The following LUZP2 variants were observed in gnomAD, a reference collection of about 807,000 sequenced individuals.
The protein encoded by LUZP2 is leucine zipper protein 2.
In LUZP2, 52 loss-of-function variants were observed where a neutral mutation model predicts 51.6. The observed-to-expected ratio is 1.01, with a 90% CI of 0.81 to 1.27. The LOEUF is 1.27. LUZP2 is among the 50% of genes most tolerant of loss of function. The pLI, the probability that LUZP2 is intolerant of heterozygous loss-of-function variation, is 0.00. For synonymous variants in LUZP2, 154 were observed against 137.3 expected (o/e 1.12, Z -0.85); for missense variants, 436 against 395.4 (o/e 1.10, Z -0.87).
intron 10 of LUZP2, among the ~76,000 whole-genome samples, chr11:25,055,644 T>G (rs1858666810): frequency 6.6e-6 from 1 of 152,160 alleles, no homozygotes. Context: ...ATCTCTTATC[T>G]AATTTCGCTT....
intron 1 of LUZP2, among the ~76,000 whole-genome samples, chr11:24,687,663 A>C (rs1213500291): frequency 6.6e-6 from 1 of 152,126 alleles, no homozygotes; most frequent in Non-Finnish European, 1.5e-5. Flanking sequence ...ACTTGGAGTA[A>C]TTGTGCCAGT....
At chr11:24,963,809 T>G (rs1463010299) in intron 7 of LUZP2, among the ~76,000 whole-genome samples, 1 of 152,146 alleles carries the variant, frequency 6.6e-6, no homozygotes, top group East Asian at 1.9e-4. Flanking sequence ...CCTAGTGAGA[T>G]GAACCCGGTA....
At chr11:25,029,411 T>G (rs909553280) in intron 9 of LUZP2, among the ~76,000 whole-genome samples, 2 of 152,038 alleles carry the variant, frequency 1.3e-5, no homozygotes, top group African/African-American at 4.8e-5. Flanking sequence ...AAACAATACT[T>G]CAAATATGAA....
intron 5 of LUZP2, among the ~76,000 whole-genome samples, chr11:24,809,236 A>T (rs1662780980): frequency 6.6e-6 from 1 of 152,212 alleles, no homozygotes; most frequent in African/African-American, 2.4e-5. Context: ...AAATGAATAA[A>T]TAATAAATAA....
In LUZP2 at chr11:24,717,751, C is replaced by G. The variant is rs573845585; in HGVS notation, c.63-11418C>G. Reference sequence around the variant, plus strand: ...TCTCTTCTATTCCTCTCCCTCCTCCCTCCCTTCACCCTCCATTAGACCCAA... The same window carrying G: ...TCTCTTCTATTCCTCTCCCTCCTCCGTCCCTTCACCCTCCATTAGACCCAA... On this transcript the variant is annotated intron_variant, in intron 1 of 11. Transcript: ENST00000336930. Among the ~76,000 whole-genome samples, 3 of 152,162 alleles carry G rather than the reference C, an allele frequency of 2.0e-5. No individual in the cohort carries two copies. The East Asian group carries it at 5.8e-4, about 30-fold the overall frequency.
intron 10 of LUZP2, among the ~76,000 whole-genome samples, chr11:25,069,514 AAAT>A (rs1408349289): frequency 6.6e-6 from 1 of 151,898 alleles, no homozygotes; most frequent in East Asian, 1.9e-4. Context: ...CAACATCTGG[AAAT>A]AATAACAGTT....
At chr11:25,010,438 C>T (rs1357713500) in intron 9 of LUZP2, among the ~76,000 whole-genome samples, 1 of 152,092 alleles carries the variant, frequency 6.6e-6, no homozygotes, top group Non-Finnish European at 1.5e-5. Flanking sequence ...ATCCTAGCTA[C>T]TCAGGATGCT....
At chr11:24,505,878 G>T (rs1850132999) in intron 1 of LUZP2, among the ~76,000 whole-genome samples, 1 of 151,948 alleles carries the variant, frequency 6.6e-6, no homozygotes, top group African/African-American at 2.4e-5. Context: ...GGTGCCTGAA[G>T]CTCCAAATTA....
intron 2 of LUZP2, among the ~76,000 whole-genome samples, chr11:24,730,263 T>C (rs191951090): frequency 2.6e-5 from 4 of 151,818 alleles, no homozygotes; most frequent in African/African-American, 9.6e-5. Context: ...TTAGTCACAT[T>C]TCATAGGTGA....
chr11:25,044,257 G>GTA (rs1235208041), intron 9 of LUZP2, among the ~76,000 whole-genome samples: 27 of 60,784 alleles, frequency 4.4e-4, no homozygotes, highest in African/African-American at 8.1e-4. Context: ...GTGTGTGTGT[G>GTA]TATATATATA....
intron 10 of LUZP2, among the ~76,000 whole-genome samples, chr11:25,058,197 G>A (rs1858742148): frequency 6.6e-6 from 1 of 151,826 alleles, no homozygotes; most frequent in African/African-American, 2.4e-5. Flanking sequence ...CCTCCAAATA[G>A]TGTAGGAATG....
At position 24,867,812 on chromosome 11, in the gene LUZP2, A is replaced by T. The variant is rs373417363; in HGVS notation, c.397-38179A>T. Among the ~76,000 whole-genome samples, 196 of 152,158 alleles carry T rather than the reference A, an allele frequency of 1.3e-3. 1 individual carries two copies. Among genetic ancestry groups the T allele is most frequent in the African/African-American group, 4.6e-3 (191 of 41,444 alleles). ...ACTTACCTATATCAGTAGTTGTCAA[A>T]CTATGGTGCCAATGAATCAACTTAA... On this transcript the variant is annotated intron_variant, in intron 5 of 11. Transcript: ENST00000336930.
chr11:24,504,754 T>C (rs917914121), intron 1 of LUZP2, among the ~76,000 whole-genome samples: 3 of 151,916 alleles, frequency 2.0e-5, no homozygotes, highest in African/African-American at 7.3e-5. Flanking sequence ...AATTTCATAG[T>C]TCTAGACTAG....
intron 11 of LUZP2, among the ~76,000 whole-genome samples, chr11:25,077,842 G>A (rs984239422): frequency 4.6e-5 from 7 of 152,208 alleles, no homozygotes; most frequent in Non-Finnish European, 1.0e-4. Flanking sequence ...TGCTGGGGCA[G>A]GATATTGTAC....
At chr11:24,877,558 C>T (rs141182446) in intron 5 of LUZP2, among the ~76,000 whole-genome samples, 25 of 152,072 alleles carry the variant, frequency 1.6e-4, no homozygotes, top group African/African-American at 5.8e-4. Context: ...AATGGGGTAT[C>T]CACCTCCTCA....
intron 5 of LUZP2, among the ~76,000 whole-genome samples, chr11:24,894,606 T>C (rs11028255): frequency 0.58 from 86,990 of 150,556 alleles, 25,592 homozygotes; most frequent in East Asian, 0.78. Flanking sequence ...CTAACTCCCT[T>C]CCTCCCCTAT....
rs1264948630 is a variant in LUZP2 at position 24,611,804 on chromosome 11, G to T, written c.62+114499G>T. ...ACAAATAAGAAAAGGGATACAAAGA[G>T]ACATAACCGTAATTTATATAAACTG... On this transcript the variant is annotated intron_variant, in intron 1 of 11. Coordinates refer to ENST00000336930, the MANE Select transcript of LUZP2 (RefSeq NM_001009909.4). This position sits in a 1 kb window ranked among gnomAD's most constrained non-coding sequence, Gnocchi z 4.6. Among the ~76,000 whole-genome samples the T allele has an allele frequency of 1.8e-4, 28 of 152,070 alleles. No homozygotes were observed. Among genetic ancestry groups the T allele is most frequent in the Admixed American group, 1.8e-3 (27 of 15,260 alleles).
At chr11:24,609,274 T>G (rs376917534) in intron 1 of LUZP2, among the ~76,000 whole-genome samples, 91 of 152,318 alleles carry the variant, frequency 6.0e-4, no homozygotes, top group Non-Finnish European at 1.2e-3. Flanking sequence ...ACCCCAATCC[T>G]AGCTCTGTAG....
At chr11:24,616,198 A>G (rs914292561) in intron 1 of LUZP2, among the ~76,000 whole-genome samples, 6 of 151,946 alleles carry the variant, frequency 3.9e-5, no homozygotes, top group African/African-American at 1.5e-4. Context: ...CAAAATTTTC[A>G]ATATTTATGA....
Sources: allele counts gnomAD v4.1 joint callset (sites outside exome capture counted in the v4.1 genomes callset), GRCh38; gene constraint gnomAD v4.1.1; non-coding constraint Gnocchi (gnomAD v3.1); transcripts MANE v1.5; gene names NCBI Gene and HGNC (gene_info 2026-07-23, HGNC 2026-07-21).